TCERG1L: variants seen among roughly 807,000 people sequenced by gnomAD.
TCERG1L encodes transcription elongation regulator 1-like protein.
A neutral mutation model predicts 56.3 loss-of-function variants in TCERG1L; 37 were observed. That is an observed-to-expected ratio of 0.66 (90% CI 0.51 to 0.87). TCERG1L has a LOEUF of 0.87. TCERG1L is among the 40% of genes least tolerant of loss of function. TCERG1L has a pLI of 0.00. For synonymous variants in TCERG1L, 324 were observed against 326.3 expected (o/e 0.99, Z 0.08); for missense variants, 799 against 774.2 (o/e 1.03, Z -0.38).
chr10:131,309,125 T>C, intron 2 of TCERG1L, 28 bp downstream of exon 2: 1 of 1,601,220 alleles, frequency 6.2e-7, no homozygotes, highest in Non-Finnish European at 8.5e-7. Context: ...AAAAGCCCCT[T>C]ATCCAATTAA....
intron 4 of TCERG1L, among the ~76,000 whole-genome samples, chr10:131,167,570 C>A (rs1846045579): frequency 6.6e-6 from 1 of 152,218 alleles, no homozygotes; most frequent in Non-Finnish European, 1.5e-5. Context: ...GGACAAAGGG[C>A]CAGTGTAGGA....
intron 6 of TCERG1L, among the ~76,000 whole-genome samples, chr10:131,160,251 C>T (rs111911286): frequency 2.2e-3 from 329 of 152,296 alleles, no homozygotes; most frequent in African/African-American, 7.3e-3. Flanking sequence ...CAGTTAAAGA[C>T]GACATGGCCA....
chr10:131,098,195 G>A, intron 11 of TCERG1L, 111 bp downstream of exon 11: 1 of 1,163,222 alleles, frequency 8.6e-7, no homozygotes, highest in Non-Finnish European at 1.2e-6. Context: ...ACACTTTCGT[G>A]TCTGTGGAAG....
At chr10:131,270,778 G>A (rs112532998) in intron 3 of TCERG1L, among the ~76,000 whole-genome samples, 3 of 152,236 alleles carry the variant, frequency 2.0e-5, no homozygotes, top group African/African-American at 4.8e-5. Context: ...CCTGTGTGTC[G>A]TGGGAGATAT....
At chr10:131,165,463 T>C (rs1361810141) in intron 5 of TCERG1L, among the ~76,000 whole-genome samples, 1 of 152,240 alleles carries the variant, frequency 6.6e-6, no homozygotes, top group Non-Finnish European at 1.5e-5. Context: ...ATAAAATTTT[T>C]ACAGGTTTTC....
intron 7 of TCERG1L, among the ~76,000 whole-genome samples, chr10:131,140,870 A>T (rs1845730010): frequency 6.6e-6 from 1 of 152,170 alleles, no homozygotes; most frequent in Non-Finnish European, 1.5e-5. Context: ...TGCCGCCTGC[A>T]CTGGAGGGCA....
intron 9 of TCERG1L, among the ~76,000 whole-genome samples, chr10:131,112,363 C>T (rs1845420353): frequency 7.0e-6 from 1 of 142,852 alleles, no homozygotes; most frequent in Admixed American, 6.9e-5. Context: ...AACCTACCCC[C>T]AGCGGGCTCC....
intron 6 of TCERG1L, among the ~76,000 whole-genome samples, chr10:131,147,833 G>A (rs550119251): frequency 1.4e-4 from 21 of 152,364 alleles, no homozygotes; most frequent in African/African-American, 4.3e-4. Flanking sequence ...CCTCACTCCC[G>A]CCAGCCTCGC....
At chr10:131,232,828 T>G (rs994878583) in intron 4 of TCERG1L, among the ~76,000 whole-genome samples, 5 of 151,702 alleles carry the variant, frequency 3.3e-5, no homozygotes, top group Admixed American at 2.6e-4. Flanking sequence ...CCCTGAAAGC[T>G]CCCCCCAACC....
At chr10:131,214,325 G>T (rs1335857496) in intron 4 of TCERG1L, among the ~76,000 whole-genome samples, 1 of 152,092 alleles carries the variant, frequency 6.6e-6, no homozygotes, top group East Asian at 1.9e-4. Flanking sequence ...GGCCACACAT[G>T]CTCCTGGCTG....
chr10:131,116,766 T>C (rs2133390023), intron 9 of TCERG1L, 33 bp downstream of exon 9: 4 of 1,545,314 alleles, frequency 2.6e-6, no homozygotes, highest in Non-Finnish European at 3.5e-6. Flanking sequence ...GGGTCTGCCG[T>C]AGGAGTGCAG....
chr10:131,256,990 AAG>A (rs1291631636), intron 4 of TCERG1L, among the ~76,000 whole-genome samples: 907 of 75,966 alleles, frequency 0.012, 1 homozygote, highest in Non-Finnish European at 0.016. Context: ...GGAAGGAAGG[AAG>A]GAAAGAAAGA....
intron 8 of TCERG1L, among the ~76,000 whole-genome samples, chr10:131,122,474 C>T (rs927744139): frequency 9.9e-5 from 15 of 152,218 alleles, no homozygotes; most frequent in African/African-American, 3.6e-4. Flanking sequence ...TGTAATAAAA[C>T]CCCAATAAAA....
chr10:131,188,740 A>C (rs1845273561), intron 4 of TCERG1L, among the ~76,000 whole-genome samples: 1 of 152,022 alleles, frequency 6.6e-6, no homozygotes, highest in Non-Finnish European at 1.5e-5. Context: ...TTCTGAATAG[A>C]CCATATATTC....
intron 4 of TCERG1L, among the ~76,000 whole-genome samples, chr10:131,217,453 C>A (rs920463458): frequency 3.0e-4 from 45 of 152,164 alleles, no homozygotes; most frequent in African/African-American, 1.0e-3. Flanking sequence ...TATTCCTTTA[C>A]AGCAATGGAA....
At chr10:131,253,047 C>A (rs1003722751) in intron 4 of TCERG1L, among the ~76,000 whole-genome samples, 8 of 152,194 alleles carry the variant, frequency 5.3e-5, no homozygotes, top group African/African-American at 1.7e-4. Context: ...CCTGCTGGGC[C>A]GGTCACAGAC....
chr10:131,195,112 C>T (rs935309558), intron 4 of TCERG1L, among the ~76,000 whole-genome samples: 2 of 152,048 alleles, frequency 1.3e-5, no homozygotes, highest in African/African-American at 4.8e-5. Flanking sequence ...CTTATAAGCA[C>T]GAGGAACAGA....
chr10:131,203,844 G>A (rs940774062), intron 4 of TCERG1L, among the ~76,000 whole-genome samples: 3 of 152,182 alleles, frequency 2.0e-5, no homozygotes, highest in Non-Finnish European at 4.4e-5. Flanking sequence ...TGGGGGGTGG[G>A]CATCTTAAGG....
chr10:131,232,291 C>T (rs1201304375), intron 4 of TCERG1L, among the ~76,000 whole-genome samples: 3 of 152,252 alleles, frequency 2.0e-5, no homozygotes, highest in African/African-American at 7.2e-5. Flanking sequence ...CCACAACAGC[C>T]AGGCAACCCC....
Sources: gnomAD v4.1 joint callset for allele counts (sites outside exome capture counted in the v4.1 genomes callset) on GRCh38, gnomAD v4.1.1 for gene constraint, MANE v1.5 for transcripts, NCBI Gene and HGNC (gene_info 2026-07-23, HGNC 2026-07-21) for gene names.